Variants in SLC26A7 observed in about 807,000 individuals in gnomAD.
SLC26A7 encodes the protein solute carrier family 26 member 7.
In SLC26A7, 59 loss-of-function variants were observed where a neutral mutation model predicts 82.5. The observed-to-expected ratio is 0.72, with a 90% CI of 0.58 to 0.89. The LOEUF (loss-of-function observed/expected upper bound fraction) is 0.89, where lower values mean the gene tolerates loss of function less well. Among genes scored for constraint, SLC26A7 ranks in the 40% least tolerant of loss-of-function variants. The probability of loss-of-function intolerance (pLI) is 0.00; values close to 1 mark genes in which losing one functional copy is unlikely to be tolerated. For missense variants in SLC26A7, 820 were observed against 793.0 expected (o/e 1.03, Z -0.41); for synonymous variants, 271 against 274.3 (o/e 0.99, Z 0.12).
At chr8:91,214,703 A>G (rs1810006564) in intron 1 of SLC26A7, among the ~76,000 whole-genome samples, 1 of 152,132 alleles carries the variant, frequency 6.6e-6, no homozygotes, top group Middle Eastern at 3.2e-3. Context: ...GAGGGCTGCC[A>G]TTGTTATGCT....
At chr8:91,375,507 T>C (rs977002505) in intron 15 of SLC26A7, among the ~76,000 whole-genome samples, 2 of 152,074 alleles carry the variant, frequency 1.3e-5, no homozygotes, top group African/African-American at 4.8e-5. Flanking sequence ...GAATATAAAA[T>C]TCTTGGCTGG....
intron 5 of SLC26A7, among the ~76,000 whole-genome samples, chr8:91,333,581 A>G (rs1387029277): frequency 2.6e-5 from 4 of 151,726 alleles, no homozygotes; most frequent in African/African-American, 9.7e-5. Context: ...AGAAGGACCC[A>G]CCCCACCACC....
chr8:91,261,464 G>T (rs1191894257), intron 2 of SLC26A7, among the ~76,000 whole-genome samples: 1 of 152,044 alleles, frequency 6.6e-6, no homozygotes, highest in African/African-American at 2.4e-5. Context: ...GCCTTGAGTA[G>T]ATTGTATAAC....
intron 2 of SLC26A7, among the ~76,000 whole-genome samples, chr8:91,233,386 G>A (rs956516926): frequency 6.6e-6 from 1 of 151,962 alleles, no homozygotes; most frequent in Non-Finnish European, 1.5e-5. Context: ...GACTAACATG[G>A]CAAAACGCAG....
intron 5 of SLC26A7, among the ~76,000 whole-genome samples, chr8:91,321,782 A>G (rs933072910): frequency 2.6e-5 from 4 of 152,086 alleles, no homozygotes; most frequent in Non-Finnish European, 5.9e-5. Flanking sequence ...GATTACATCA[A>G]TGTGTTCTTT....
In SLC26A7 at chr8:91,395,300, A is replaced by C. The variant is rs1353426379; in HGVS notation, c.*203A>C. The C allele has an allele frequency of 7.7e-7, 1 of 1,306,418 alleles. No homozygotes were observed. The highest frequency in any genetic ancestry group is 9.9e-7 in the Non-Finnish European group (1 of 1,012,250). 80.9% of individuals were successfully genotyped at this position (1,306,418 alleles called of 1,614,324 possible). A position where few individuals can be genotyped will look rare whatever the true frequency, so the allele number is the denominator to read the frequency against. On this transcript the variant is annotated 3_prime_UTR_variant, in exon 19 of 19. Coordinates refer to ENST00000276609, the MANE Select transcript of SLC26A7 (RefSeq NM_052832.4). Reference sequence around the variant, plus strand: ...TTTTTGTTAGTAAGAAGATTCGCTTAGTTATTTTATGTAAAAATCAGTATG... The same window carrying C: ...TTTTTGTTAGTAAGAAGATTCGCTTCGTTATTTTATGTAAAAATCAGTATG...
At chr8:91,297,807 G>A (rs1366454724) in intron 4 of SLC26A7, among the ~76,000 whole-genome samples, 2 of 152,170 alleles carry the variant, frequency 1.3e-5, no homozygotes, top group African/African-American at 4.8e-5. Flanking sequence ...AACATATGAA[G>A]TGTGTGTTTG....
chr8:91,254,991 C>T (rs1563645470), intron 2 of SLC26A7, among the ~76,000 whole-genome samples: 1 of 152,100 alleles, frequency 6.6e-6, no homozygotes, highest in East Asian at 1.9e-4. Context: ...ACTCTGGTTT[C>T]TAAAGCATTT....
At chr8:91,355,108 A>G (rs1813826016) in intron 11 of SLC26A7, among the ~76,000 whole-genome samples, 1 of 152,120 alleles carries the variant, frequency 6.6e-6, no homozygotes, top group South Asian at 2.1e-4. Context: ...ATCTAACATT[A>G]TCTTTAGGCA....
intron 2 of SLC26A7, among the ~76,000 whole-genome samples, chr8:91,271,568 C>A (rs1811268601): frequency 6.7e-6 from 1 of 149,306 alleles, no homozygotes; most frequent in African/African-American, 2.5e-5. Context: ...TGCTTCCAGG[C>A]TCGGGGGTGG....
chr8:91,345,792 T>C (rs1373321426), intron 9 of SLC26A7, among the ~76,000 whole-genome samples: 3 of 152,314 alleles, frequency 2.0e-5, no homozygotes, highest in Admixed American at 2.0e-4. Context: ...TCCTTAGGCA[T>C]TTCCCTGCTT....
intron 9 of SLC26A7, 34 bp downstream of exon 9, chr8:91,343,500 C>A: frequency 6.7e-7 from 1 of 1,487,766 alleles, no homozygotes; most frequent in Non-Finnish European, 9.3e-7. Context: ...CAAAGCACTG[C>A]TGGGCCTTCA....
chr8:91,343,407 C>A lies in SLC26A7; in HGVS notation c.1081C>A (p.Pro361Thr). The change falls in exon 9 of 19, where the codon CCA becomes ACA. Residue 361 changes from proline (P) to threonine (T), a missense_variant. Pro to Thr is a conservative substitution (Grantham distance 38, BLOSUM62 -1). Transcript: ENST00000276609. ...NIVSSFFFCI[P>T]SAAAMGRTAG... is the part of the protein sequence containing the mutation. ...AGTTTCTTCATTTTTCTTCTGCATA[C>A]CAAGTGCTGCTGCCATGGGAAGGAC... is the stretch of plus-strand genomic sequence containing the variant. 1 of 1,613,040 alleles carries A rather than the reference C, an allele frequency of 6.2e-7. No homozygotes were observed. Among genetic ancestry groups the A allele is most frequent in the Non-Finnish European group, 8.5e-7 (1 of 1,179,824 alleles).
intron 4 of SLC26A7, among the ~76,000 whole-genome samples, chr8:91,305,181 G>A (rs907001959): frequency 6.6e-6 from 1 of 152,034 alleles, no homozygotes; most frequent in Non-Finnish European, 1.5e-5. Flanking sequence ...GAGGAAAAAG[G>A]TCAGTTAAAT....
At chr8:91,356,242 C>A (rs1387797573) in intron 11 of SLC26A7, among the ~76,000 whole-genome samples, 1 of 152,100 alleles carries the variant, frequency 6.6e-6, no homozygotes, top group African/African-American at 2.4e-5. Context: ...TGGTATATAC[C>A]CAGTAATGGG....
intron 2 of SLC26A7, among the ~76,000 whole-genome samples, chr8:91,243,085 GC>G (rs1278464506): frequency 1.3e-5 from 2 of 152,100 alleles, no homozygotes; most frequent in African/African-American, 4.8e-5. Flanking sequence ...TAATGTTTAT[GC>G]TTTTAAAGTC....
chr8:91,221,248 C>T (rs572643408), intron 2 of SLC26A7, among the ~76,000 whole-genome samples: 2 of 152,186 alleles, frequency 1.3e-5, no homozygotes, highest in South Asian at 4.1e-4. Context: ...TGTTTAAGTT[C>T]CTTGTAAATT....
At chr8:91,293,941 TC>T (rs966480460) in intron 3 of SLC26A7, among the ~76,000 whole-genome samples, 6 of 152,210 alleles carry the variant, frequency 3.9e-5, no homozygotes, top group Non-Finnish European at 8.8e-5. Flanking sequence ...ACTTGGTGTT[TC>T]CCATCCTGGG....
intron 1 of SLC26A7, chr8:91,218,836 G>GA (rs1191052370): frequency 6.8e-5 from 77 of 1,128,470 alleles, no homozygotes; most frequent in Non-Finnish European, 9.6e-5. Context: ...TTATTTTAAT[G>GA]AAAAATACTT....
Sources: gnomAD v4.1 joint callset for allele counts (sites outside exome capture counted in the v4.1 genomes callset) on GRCh38, gnomAD v4.1.1 for gene constraint, MANE v1.5 for transcripts, NCBI Gene and HGNC (gene_info 2026-07-23, HGNC 2026-07-21) for gene names.